Variants in XPO5 observed in about 807,000 individuals in gnomAD.
XPO5 encodes the protein exportin-5.
Under a neutral mutation model 160.6 loss-of-function variants are expected in XPO5, and 46 were observed. The ratio of observed to expected loss-of-function variants is 0.29; its 90% CI spans 0.23 to 0.37. The LOEUF (loss-of-function observed/expected upper bound fraction) is 0.37. XPO5 is among the 10% of genes least tolerant of loss of function. The probability of loss-of-function intolerance (pLI) is 1.00; values close to 1 mark genes in which losing one functional copy is unlikely to be tolerated. For synonymous variants in XPO5, 537 were observed against 519.3 expected (o/e 1.03, Z -0.46); for missense variants, 1,090 against 1,463.9 (o/e 0.74, Z 4.17).
At chr6:43,556,661 T>G (rs1420220699) in intron 12 of XPO5, among the ~76,000 whole-genome samples, 1 of 152,156 alleles carries the variant, frequency 6.6e-6, no homozygotes, top group East Asian at 1.9e-4. Flanking sequence ...GCAATTCTAC[T>G]CCTAGTTATA....
Position 43,573,499 on chromosome 6 carries a change from T to C in XPO5, c.208A>G (p.Ile70Val). The change falls in exon 2 of 32, where the codon ATC (isoleucine) becomes GTC (valine). Residue 70 changes from isoleucine (I) to valine (V), a missense_variant. Around this residue, in one of 3 missense-constraint regions of XPO5, gnomAD observed 170 missense variants for 227.0 expected, o/e 0.75. Transcript: ENST00000265351. ...VAIVRHFGLQ[I>V]LEHVVKFRWN... is the part of the protein sequence containing the mutation. Reference sequence around the variant, plus strand: ...CCTTACTTGACAACGTGTTCCAGGATCTGAAGGCCAAAATGTCTGACGATG... The same window carrying C: ...CCTTACTTGACAACGTGTTCCAGGACCTGAAGGCCAAAATGTCTGACGATG... 1 of 1,613,648 alleles carries C rather than the reference T, an allele frequency of 6.2e-7. No individual in the cohort carries two copies. Among genetic ancestry groups the C allele is most frequent in the Non-Finnish European group, 8.5e-7 (1 of 1,179,654 alleles).
At chr6:43,556,187 T>G in intron 12 of XPO5, 1 of 482,666 alleles carries the variant, frequency 2.1e-6, no homozygotes, top group Non-Finnish European at 3.5e-6. Flanking sequence ...CTAGATCCTG[T>G]AAGTGGCAAA....
intron 30 of XPO5, 22 bp from the exon 31 acceptor site, chr6:43,524,657 T>G: frequency 6.2e-7 from 1 of 1,610,060 alleles, no homozygotes; most frequent in Admixed American, 1.7e-5. Context: ...AGGGATAAAC[T>G]TACTGGATGT....
intron 24 of XPO5, among the ~76,000 whole-genome samples, 170 bp from the exon 25 acceptor site, chr6:43,528,375 C>A (rs1793732317): frequency 6.6e-6 from 1 of 152,160 alleles, no homozygotes; most frequent in African/African-American, 2.4e-5. Flanking sequence ...TCTATGGTTT[C>A]TGTAACCTAT....
intron 27 of XPO5, chr6:43,526,456 A>T (rs1793596294): frequency 1.8e-6 from 1 of 562,260 alleles, no homozygotes; most frequent in Non-Finnish European, 3.2e-6. Context: ...AAGAGAAAAG[A>T]TCACATATAT....
chr6:43,550,342 C>G (rs1189404195), intron 15 of XPO5, among the ~76,000 whole-genome samples: 1 of 152,192 alleles, frequency 6.6e-6, no homozygotes, highest in Non-Finnish European at 1.5e-5. Context: ...TAAACTCAGA[C>G]AAGAGTGTAG....
chr6:43,551,483 A>G lies in XPO5; in HGVS notation c.1573-30T>C, dbSNP rs770465052. 3.7e-6 allele frequency: 6 copies of G among 1,605,330 alleles called. No homozygotes were observed. In the Admixed American group the frequency reaches 1.0e-4, roughly 28 times the overall value. On this transcript the variant is annotated intron_variant, in intron 14 of 31. Coordinates refer to ENST00000265351, the MANE Select transcript of XPO5 (RefSeq NM_020750.3). Reference sequence around the variant, plus strand: ...AACAAAGACATAAAACAGGTTGACAATGGCTGCCTCCACTTAGAAATAACC... The same window carrying G: ...AACAAAGACATAAAACAGGTTGACAGTGGCTGCCTCCACTTAGAAATAACC...
intron 10 of XPO5, 111 bp from the exon 11 acceptor site, chr6:43,560,414 CTTTGAAG>C: frequency 7.5e-7 from 1 of 1,328,894 alleles, no homozygotes; most frequent in Non-Finnish European, 9.9e-7. Flanking sequence ...CTGTACAATA[CTTTGAAG>C]CTGTCTCTAC....
Position 43,558,430 on chromosome 6 carries a change from T to C in XPO5, c.1312+71A>G, listed in dbSNP as rs73733591. The C allele has an allele frequency of 7.1e-3, 9,678 of 1,361,370 alleles. 574 individuals carry two copies. In the African/African-American group the frequency reaches 0.13, roughly 18 times the overall value. 84.3% of individuals were successfully genotyped at this position (1,361,370 alleles called of 1,614,324 possible). A position where few individuals can be genotyped will look rare whatever the true frequency, so the allele number is the denominator to read the frequency against. ...TCTTTCGTAAAAACCCCAAACACCATGCACCATGATTCATAATACTAGATG... is the reference window on the plus strand; with the variant it reads ...TCTTTCGTAAAAACCCCAAACACCACGCACCATGATTCATAATACTAGATG... On this transcript the variant is annotated intron_variant, in intron 12 of 31. Coordinates refer to ENST00000265351, the MANE Select transcript of XPO5 (RefSeq NM_020750.3).
chr6:43,571,170 C>T (rs2127756627), intron 3 of XPO5, among the ~76,000 whole-genome samples, 176 bp from the exon 4 acceptor site: 1 of 152,208 alleles, frequency 6.6e-6, no homozygotes, highest in East Asian at 1.9e-4. Flanking sequence ...GCTAATCACT[C>T]TTCCGCTTAA....
intron 20 of XPO5, among the ~76,000 whole-genome samples, chr6:43,539,970 C>T (rs771740723): frequency 2.6e-5 from 4 of 152,200 alleles, no homozygotes; most frequent in Admixed American, 6.5e-5. Context: ...AAATAGAAGA[C>T]GGGGCTGGGC....
chr6:43,529,378 T>TG (rs1793807503), intron 23 of XPO5: 1 of 111,160 alleles, frequency 9.0e-6, no homozygotes, highest in African/African-American at 7.1e-5. Context: ...CCGTCTCTAC[T>TG]AAAAAAAAAA....
chr6:43,532,030 T>A (rs541913591), intron 21 of XPO5, among the ~76,000 whole-genome samples: 1 of 152,362 alleles, frequency 6.6e-6, no homozygotes, highest in South Asian at 2.1e-4. Flanking sequence ...GTTTTACATT[T>A]CGAGTCCTAT....
At chr6:43,533,352 C>T (rs563838891) in intron 21 of XPO5, 1 of 152,718 alleles carries the variant, frequency 6.5e-6, no homozygotes, top group East Asian at 1.9e-4. Context: ...CCACAACCTA[C>T]TGGCTAAATT....
Position 43,573,521 on chromosome 6 carries a change from G to A in XPO5, c.186C>T (p.Ile62=). Residue 62 remains isoleucine, a synonymous_variant, in exon 2 of 32, where the codon ATC becomes ATT. Coordinates refer to ENST00000265351, the MANE Select transcript of XPO5 (RefSeq NM_020750.3). ...GGATCTGAAGGCCAAAATGTCTGAC[G>A]ATGGCAACTTGTGTTTTCTCAGCCA... is the stretch of plus-strand genomic sequence containing the variant. The part of the protein sequence containing the change: ...LRLAEKTQVA[I]VRHFGLQILE... 6.2e-7 allele frequency: 1 copy of A among 1,613,756 alleles called. No individual in the cohort carries two copies. Among genetic ancestry groups the A allele is most frequent in the Non-Finnish European group, 8.5e-7 (1 of 1,179,728 alleles).
intron 20 of XPO5, chr6:43,538,770 TC>T: frequency 1.5e-6 from 1 of 651,608 alleles, no homozygotes; most frequent in Non-Finnish European, 2.5e-6. Context: ...ACTACATTTT[TC>T]TTTTTTTTTT....
At chr6:43,535,195 G>A (rs1794240161) in intron 20 of XPO5, among the ~76,000 whole-genome samples, 2 of 151,684 alleles carry the variant, frequency 1.3e-5, no homozygotes, top group South Asian at 2.1e-4. Context: ...GGGAGGCTGA[G>A]CTTGCAGTGA....
intron 7 of XPO5, among the ~76,000 whole-genome samples, chr6:43,566,205 C>T (rs556003346): frequency 1.3e-5 from 2 of 152,220 alleles, no homozygotes; most frequent in African/African-American, 4.8e-5. Context: ...CCAGCCTGGC[C>T]AACATAGTGA....
intron 16 of XPO5, 59 bp from the exon 17 acceptor site, chr6:43,549,637 AT>A (rs1795133435): frequency 1.3e-6 from 2 of 1,563,050 alleles, no homozygotes; most frequent in African/African-American, 2.7e-5. Flanking sequence ...CAGGTGCTGC[AT>A]AGACTCATGT....
Sources: allele counts gnomAD v4.1 joint callset (sites outside exome capture counted in the v4.1 genomes callset), GRCh38; gene constraint gnomAD v4.1.1; regional missense constraint gnomAD v4.1.1; transcripts MANE v1.5; gene names NCBI Gene and HGNC (gene_info 2026-07-23, HGNC 2026-07-21).